Variants in STK10 observed in about 807,000 individuals in gnomAD.
STK10 encodes serine/threonine kinase 10.
A neutral mutation model predicts 113.8 loss-of-function variants in STK10; 78 were observed. The ratio of observed to expected loss-of-function variants is 0.69; its 90% confidence interval spans 0.57 to 0.83. STK10 has a LOEUF of 0.83. STK10 is among the 40% of genes least tolerant of loss of function. STK10 has a pLI of 0.00. For synonymous variants in STK10, 465 were observed against 494.7 expected (o/e 0.94, Z 0.80); for missense variants, 1,109 against 1,280.1 (o/e 0.87, Z 2.04).
intron 18 of STK10, among the ~76,000 whole-genome samples, chr5:172,046,175 C>T (rs1767489349): frequency 6.6e-6 from 1 of 151,442 alleles, no homozygotes; most frequent in Non-Finnish European, 1.5e-5. Context: ...GCCTGGCCAA[C>T]AAGGCGAAAC....
chr5:172,067,119 T>TAAGGC, intron 12 of STK10, among the ~76,000 whole-genome samples: 1 of 152,218 alleles, frequency 6.6e-6, no homozygotes, highest in East Asian at 1.9e-4. Flanking sequence ...TTTGGGAGGC[T>TAAGGC]GGGTGGATCA....
At chr5:172,130,430 C>T (rs1452516288) in intron 2 of STK10, among the ~76,000 whole-genome samples, 2 of 151,582 alleles carry the variant, frequency 1.3e-5, no homozygotes, top group Non-Finnish European at 2.9e-5. Flanking sequence ...ACTTGGGAGG[C>T]GGAGGCAGGA....
At chr5:172,146,200 C>T (rs968075837) in intron 2 of STK10, among the ~76,000 whole-genome samples, 9 of 152,324 alleles carry the variant, frequency 5.9e-5, no homozygotes, top group African/African-American at 1.9e-4. Context: ...CCTAAACTGC[C>T]GGGCCCACAG....
In STK10 at chr5:172,082,639, CTG is replaced by C; in HGVS notation, c.1810-136_1810-135del. ...GAATCCCAGCTCTACTACCCCGTTGCTGTGTGACCTGGGGCAAGTTACTTAGC... is the reference window on the plus strand; with the variant it reads ...GAATCCCAGCTCTACTACCCCGTTGCTGTGACCTGGGGCAAGTTACTTAGC... On this transcript the variant is annotated intron_variant, in intron 11 of 18. Coordinates refer to ENST00000176763, the MANE Select transcript of STK10 (RefSeq NM_005990.4). The surrounding 1 kb of genome is among the most constrained non-coding windows in gnomAD (Gnocchi z 4.3). 1.7e-6 allele frequency: 2 copies of C among 1,198,236 alleles called. No homozygotes were observed. The highest frequency in any genetic ancestry group is 2.3e-6 in the Non-Finnish European group (2 of 880,416). 74.2% of individuals were successfully genotyped at this position (1,198,236 alleles called of 1,614,324 possible).
At chr5:172,127,634 G>A (rs2113788071) in intron 2 of STK10, among the ~76,000 whole-genome samples, 1 of 152,290 alleles carries the variant, frequency 6.6e-6, no homozygotes, top group Admixed American at 6.5e-5. Context: ...GAGCTTCTTG[G>A]CTGCTTCATT....
chr5:172,148,940 C>A (rs780499334), intron 2 of STK10, among the ~76,000 whole-genome samples: 1 of 152,220 alleles, frequency 6.6e-6, no homozygotes, highest in Non-Finnish European at 1.5e-5. Flanking sequence ...AATCCCAGCA[C>A]TTTGGGAGGC....
chr5:172,174,661 C>T (rs1299775664), intron 1 of STK10, among the ~76,000 whole-genome samples: 1 of 152,184 alleles, frequency 6.6e-6, no homozygotes, highest in Admixed American at 6.5e-5. Flanking sequence ...CAGGCAGCTG[C>T]CACCATGGTC....
At chr5:172,064,648 G>C in intron 13 of STK10, 72 bp downstream of exon 13, 4 of 1,523,178 alleles carry the variant, frequency 2.6e-6, no homozygotes, top group African/African-American at 1.4e-5. Flanking sequence ...GGCAAAGGCA[G>C]AGAGGGGGCC....
At chr5:172,102,009 C>G (rs997175564) in intron 7 of STK10, among the ~76,000 whole-genome samples, 3 of 152,092 alleles carry the variant, frequency 2.0e-5, no homozygotes, top group African/African-American at 7.2e-5. Context: ...GGCCCTGAGA[C>G]TCTGGGTTTT....
chr5:172,137,265 ACT>A (rs1247233685), intron 2 of STK10, among the ~76,000 whole-genome samples: 1 of 152,030 alleles, frequency 6.6e-6, no homozygotes, highest in Admixed American at 6.6e-5. Flanking sequence ...AGATAAAGTC[ACT>A]CTGGTTTGAA....
chr5:172,135,564 G>C (rs879749048), intron 2 of STK10, among the ~76,000 whole-genome samples: 1 of 151,996 alleles, frequency 6.6e-6, no homozygotes, highest in Admixed American at 6.6e-5. Context: ...GGAGAAATTG[G>C]AACCTTCATA....
intron 18 of STK10, among the ~76,000 whole-genome samples, chr5:172,045,846 T>C (rs1038916550): frequency 6.6e-6 from 1 of 151,914 alleles, no homozygotes; most frequent in Non-Finnish European, 1.5e-5. Flanking sequence ...CCTGCCACCA[T>C]GACTGGCTAA....
chr5:172,071,212 CAAAAAAAAAAAA>C (rs369407918), intron 12 of STK10, among the ~76,000 whole-genome samples: 20 of 26,592 alleles, frequency 7.5e-4, no homozygotes, highest in East Asian at 2.2e-3. Flanking sequence ...CTCTCTATCT[CAAAAAAAAAAAA>C]AAAAAAAAAA....
intron 1 of STK10, among the ~76,000 whole-genome samples, chr5:172,165,766 C>T (rs753803871): frequency 7.0e-6 from 1 of 143,218 alleles, no homozygotes; most frequent in Non-Finnish European, 1.5e-5. Flanking sequence ...GCCTGGGTGG[C>T]TCTTTAAATT....
chr5:172,136,578 C>A lies in STK10; in HGVS notation c.322-9157G>T, dbSNP rs186992330. 6.7e-3 allele frequency among the ~76,000 whole-genome samples: 1,023 copies of A among 151,818 alleles called. 7 individuals are homozygous for A. The highest frequency in any genetic ancestry group is 0.01 in the Non-Finnish European group (712 of 67,996). ...CGCCACTGCACTCCAGCCTGGGCGACAGAGCGAGACTCCGTCTCAAAATAA... is the reference window on the plus strand; with the variant it reads ...CGCCACTGCACTCCAGCCTGGGCGAAAGAGCGAGACTCCGTCTCAAAATAA... On this transcript the variant is annotated intron_variant, in intron 2 of 18. Transcript: ENST00000176763.
chr5:172,099,653 C>T (rs1371869389), intron 7 of STK10, among the ~76,000 whole-genome samples: 1 of 152,166 alleles, frequency 6.6e-6, no homozygotes, highest in Non-Finnish European at 1.5e-5. Context: ...ACCAAGATCC[C>T]AAAGGTGAGA....
At chr5:172,122,142 A>G (rs1473626257) in intron 3 of STK10, among the ~76,000 whole-genome samples, 1 of 152,240 alleles carries the variant, frequency 6.6e-6, no homozygotes, top group Non-Finnish European at 1.5e-5. Flanking sequence ...CTGGGATCAC[A>G]GGTGTGACCA....
chr5:172,093,748 C>A lies in STK10; in HGVS notation c.1218G>T (p.Val406=). The change falls in exon 9 of 19, where the codon GTG becomes GTT. Residue 406 remains valine (V), a synonymous_variant. Coordinates refer to ENST00000176763, the MANE Select transcript of STK10 (RefSeq NM_005990.4). This position sits in a 1 kb window ranked among gnomAD's most constrained non-coding sequence, Gnocchi z 4.1. ...GTCGGGACTTCCGCAGGGGCACAGG[C>A]ACTGCCAGGCCGTTCTCATTTCCAG... ...VAPGNENGLA[V]PVPLRKSRPV... is the part of the protein sequence containing the mutation. 6.2e-7 allele frequency: 1 copy of A among 1,611,996 alleles called. No individual in the cohort carries two copies. Among genetic ancestry groups the A allele is most frequent in the Non-Finnish European group, 8.5e-7 (1 of 1,178,168 alleles).
At position 172,055,594 on chromosome 5, in the gene STK10, G is replaced by C. The variant is rs771824501; in HGVS notation, c.2520C>G (p.Ile840Met). The C allele has an allele frequency of 6.7e-7, 1 of 1,487,798 alleles. No individual in the cohort carries two copies. The highest frequency in any genetic ancestry group is 9.0e-7 in the Non-Finnish European group (1 of 1,110,316). The allele number at this position is 1,487,798 out of a possible 1,614,324, so 92.2% of individuals were successfully genotyped here. ...CCGCAGGCCCGGCCCCCACCTGCTT[G>C]ATCTTCTCACGCTGCTCAGCTGCGC... is the stretch of plus-strand genomic sequence containing the variant. ...GGSAAEQREKIKQFSQQEEKR... is the reference protein window; with the variant it reads ...GGSAAEQREKMKQFSQQEEKR... Residue 840 changes from isoleucine to methionine, a missense_variant, in exon 16 of 19, where the codon ATC becomes ATG. This residue lies in a region of STK10 where 885 missense variants were observed against 991.1 expected (regional missense o/e 0.89). Coordinates refer to ENST00000176763, the MANE Select transcript of STK10 (RefSeq NM_005990.4).
Sources: gnomAD v4.1 joint callset for allele counts (sites outside exome capture counted in the v4.1 genomes callset) on GRCh38, gnomAD v4.1.1 for gene constraint, gnomAD v4.1.1 regional missense constraint, Gnocchi (gnomAD v3.1) non-coding constraint, MANE v1.5 for transcripts, NCBI Gene and HGNC (gene_info 2026-07-23, HGNC 2026-07-21) for gene names.